The following PPP2R2A variants were observed in gnomAD, a reference collection of about 807,000 sequenced individuals.
The protein encoded by PPP2R2A is protein phosphatase 2 regulatory subunit Balpha.
PPP2R2A carries 9 observed loss-of-function variants against 53.2 expected under a neutral mutation model. That is an observed-to-expected ratio of 0.17 (90% CI 0.10 to 0.30). The LOEUF (loss-of-function observed/expected upper bound fraction) is 0.30, where lower values mean the gene tolerates loss of function less well. PPP2R2A is among the 10% of genes least tolerant of loss of function. The probability of loss-of-function intolerance (pLI) is 1.00; values close to 1 mark genes in which losing one functional copy is unlikely to be tolerated. For synonymous variants in PPP2R2A, 169 were observed against 174.2 expected (o/e 0.97, Z 0.23); for missense variants, 235 against 534.6 (o/e 0.44, Z 5.53).
chr8:26,319,452 A>G (rs1188280335), intron 2 of PPP2R2A, among the ~76,000 whole-genome samples: 2 of 151,628 alleles, frequency 1.3e-5, no homozygotes, highest in South Asian at 2.1e-4. Flanking sequence ...TTAATTTCTC[A>G]TTAACACTTT....
chr8:26,359,964 T>C (rs1324864772), intron 4 of PPP2R2A, among the ~76,000 whole-genome samples: 1 of 152,152 alleles, frequency 6.6e-6, no homozygotes, highest in Non-Finnish European at 1.5e-5. Context: ...ACATGGAATT[T>C]ATGAGTGCCA....
At chr8:26,294,603 A>C (rs1383944584) in intron 2 of PPP2R2A, among the ~76,000 whole-genome samples, 3 of 152,194 alleles carry the variant, frequency 2.0e-5, no homozygotes, top group Non-Finnish European at 2.9e-5. Flanking sequence ...AACTCAGATA[A>C]ATTTAAACAT....
At chr8:26,340,340 A>G (rs924062823) in intron 3 of PPP2R2A, among the ~76,000 whole-genome samples, 3 of 152,004 alleles carry the variant, frequency 2.0e-5, no homozygotes, top group Admixed American at 6.6e-5. Context: ...GTTTTTCAGT[A>G]TTCTTTGCTG....
intron 2 of PPP2R2A, among the ~76,000 whole-genome samples, chr8:26,307,644 T>TG (rs1802083296): frequency 6.6e-6 from 1 of 152,250 alleles, no homozygotes; most frequent in Non-Finnish European, 1.5e-5. Context: ...CTTTTAATCT[T>TG]TAAGAATTTT....
intron 2 of PPP2R2A, among the ~76,000 whole-genome samples, chr8:26,304,655 G>A (rs1222453228): frequency 6.6e-6 from 1 of 152,128 alleles, no homozygotes; most frequent in Non-Finnish European, 1.5e-5. Flanking sequence ...CTTTCTAAGG[G>A]AACAAAAGAG....
At chr8:26,368,581 G>A (rs1805502991) in intron 9 of PPP2R2A, among the ~76,000 whole-genome samples, 1 of 152,200 alleles carries the variant, frequency 6.6e-6, no homozygotes, top group South Asian at 2.1e-4. Context: ...AAAGTAAAAT[G>A]ATGTTCTGTT....
chr8:26,323,296 A>G (rs1802933684), intron 2 of PPP2R2A, among the ~76,000 whole-genome samples: 1 of 152,364 alleles, frequency 6.6e-6, no homozygotes, highest in South Asian at 2.1e-4. Flanking sequence ...CACTTCTGAT[A>G]ACATATATTC....
In PPP2R2A at chr8:26,361,087, A is replaced by G. The variant is rs1260245267; in HGVS notation, c.573A>G (p.Thr191=). The change falls in exon 6 of 10, where the codon ACA becomes ACG. Residue 191 remains threonine (T), a synonymous_variant. Coordinates refer to ENST00000380737, the MANE Select transcript of PPP2R2A (RefSeq NM_002717.4). ...TTTCTATTAATAGTGATTATGAAAC[A>G]TATTTATCTGCAGATGATTTGCGGA... The part of the protein sequence containing the change: ...NSISINSDYE[T]YLSADDLRIN... The G allele has an allele frequency of 6.2e-6, 10 of 1,602,770 alleles. 1 individual carries two copies. Among genetic ancestry groups the G allele is most frequent in the African/African-American group, 1.3e-5 (1 of 74,286 alleles).
intron 2 of PPP2R2A, among the ~76,000 whole-genome samples, chr8:26,324,485 A>C (rs1802989711): frequency 6.6e-6 from 1 of 152,118 alleles, no homozygotes; most frequent in Non-Finnish European, 1.5e-5. Context: ...AGGTTTGGGA[A>C]CCTCTGCCTA....
intron 2 of PPP2R2A, among the ~76,000 whole-genome samples, chr8:26,329,466 T>TA (rs1159296167): frequency 1.3e-5 from 2 of 152,206 alleles, no homozygotes; most frequent in African/African-American, 4.8e-5. Context: ...TTATGACTGT[T>TA]ACATTCTCAC....
chr8:26,332,364 A>C (rs77830407), intron 2 of PPP2R2A, among the ~76,000 whole-genome samples: 1 of 73,926 alleles, frequency 1.4e-5, no homozygotes, highest in Non-Finnish European at 2.7e-5. Flanking sequence ...CTTTTGTCTC[A>C]AAAAAAAAAA....
intron 2 of PPP2R2A, among the ~76,000 whole-genome samples, chr8:26,335,781 T>G (rs978765184): frequency 2.0e-5 from 3 of 152,204 alleles, no homozygotes; most frequent in African/African-American, 7.2e-5. Context: ...GGCCAGTTGT[T>G]TCTAGGATTC....
At chr8:26,302,918 C>T (rs1801852992) in intron 2 of PPP2R2A, among the ~76,000 whole-genome samples, 1 of 152,110 alleles carries the variant, frequency 6.6e-6, no homozygotes, top group Non-Finnish European at 1.5e-5. Context: ...TTTAAAAGGT[C>T]TTTGATGGTC....
intron 6 of PPP2R2A, among the ~76,000 whole-genome samples, chr8:26,361,577 G>C (rs1390003318): frequency 1.3e-5 from 2 of 152,048 alleles, no homozygotes; most frequent in Non-Finnish European, 2.9e-5. Flanking sequence ...CTGCACTCCA[G>C]CTTGGATGAC....
At chr8:26,300,989 A>C (rs1230505097) in intron 2 of PPP2R2A, among the ~76,000 whole-genome samples, 2 of 152,234 alleles carry the variant, frequency 1.3e-5, no homozygotes, top group Non-Finnish European at 2.9e-5. Context: ...TGTATCAGGC[A>C]TTGTTTTAGG....
In PPP2R2A at chr8:26,366,942, G is replaced by A. The variant is rs1805408433; in HGVS notation, c.1064+536G>A. Among the ~76,000 whole-genome samples, 3 of 151,958 alleles carry A rather than the reference G, an allele frequency of 2.0e-5. No homozygotes were observed. The South Asian group carries it at 6.2e-4, about 31-fold the overall frequency. ...AATTCCTTTTTCGTATTCATTTTTA[G>A]TAAAATGTTACCCATTATTTAAAGA... On this transcript the variant is annotated intron_variant, in intron 9 of 9. Transcript: ENST00000380737.
intron 2 of PPP2R2A, among the ~76,000 whole-genome samples, chr8:26,326,387 T>G (rs1200865559): frequency 1.3e-5 from 2 of 152,202 alleles, no homozygotes; most frequent in African/African-American, 2.4e-5. Flanking sequence ...TGGAATAAAG[T>G]CTGTAAAATG....
chr8:26,316,304 A>G (rs191093635), intron 2 of PPP2R2A, among the ~76,000 whole-genome samples: 2 of 152,304 alleles, frequency 1.3e-5, no homozygotes, highest in Admixed American at 1.3e-4. Flanking sequence ...CACCATGCCC[A>G]GCTTGTGTAC....
At chr8:26,337,708 G>A (rs899979526) in intron 2 of PPP2R2A, among the ~76,000 whole-genome samples, 3 of 152,168 alleles carry the variant, frequency 2.0e-5, no homozygotes, top group African/African-American at 7.2e-5. Context: ...GCGTTGAGTT[G>A]TTGTCCAAAC....
Sources: gnomAD v4.1 joint callset for allele counts (sites outside exome capture counted in the v4.1 genomes callset) on GRCh38, gnomAD v4.1.1 for gene constraint, MANE v1.5 for transcripts, NCBI Gene and HGNC (gene_info 2026-07-23, HGNC 2026-07-21) for gene names.